ADORA1: variants seen among roughly 807,000 people sequenced by gnomAD.
ADORA1 encodes the protein adenosine receptor A1.
Under a neutral mutation model 19.9 loss-of-function variants are expected in ADORA1, and 6 were observed. The ratio of observed to expected loss-of-function variants is 0.30; its 90% CI spans 0.17 to 0.59. ADORA1 has a LOEUF of 0.59. ADORA1 is among the 20% of genes least tolerant of loss of function. The pLI, the probability that ADORA1 is intolerant of heterozygous loss-of-function variation, is 0.87. For synonymous variants in ADORA1, 194 were observed against 188.4 expected, an observed-to-expected ratio of 1.03 and a Z score of -0.24; for missense variants, 302 against 439.2, an observed-to-expected ratio of 0.69 and a Z score of 2.79.
At chr1:203,157,214 C>T (rs900645274) in intron 3 of ADORA1, among the ~76,000 whole-genome samples, 6 of 152,238 alleles carry the variant, frequency 3.9e-5, no homozygotes, top group African/African-American at 1.4e-4. Context: ...AAATTTCCTT[C>T]TGGTTGTGAG....
intron 3 of ADORA1, among the ~76,000 whole-genome samples, chr1:203,146,622 G>A: frequency 7.3e-6 from 1 of 137,088 alleles, no homozygotes. Context: ...ATGAAAGCCT[G>A]TCTCAAAAAA....
rs34162960 is a variant in ADORA1, at chr1:203,129,466, G to A, written c.341+284G>A. On this transcript the variant is annotated intron_variant, in intron 3 of 3. Coordinates refer to ENST00000337894, the MANE Select transcript of ADORA1 (RefSeq NM_000674.3). ...AACCTGAGGCTGCCTGTCAGGCCTG[G>A]GGTGGAGGTGGGAGATTTGGAAGAG... is the stretch of plus-strand genomic sequence containing the variant. 0.29 allele frequency among the ~76,000 whole-genome samples: 43,973 copies of A among 152,108 alleles called. 7,570 individuals carry two copies. Among genetic ancestry groups the A allele is most frequent in the Non-Finnish European group, 0.39 (26,336 of 67,960 alleles).
At chr1:203,143,570 G>A (rs1262659579) in intron 3 of ADORA1, among the ~76,000 whole-genome samples, 1 of 148,948 alleles carries the variant, frequency 6.7e-6, no homozygotes, top group Non-Finnish European at 1.5e-5. Context: ...TGTGTGTGCA[G>A]GGGGTTATAG....
intron 3 of ADORA1, among the ~76,000 whole-genome samples, chr1:203,132,295 T>C (rs142862932): frequency 9.8e-4 from 149 of 152,278 alleles, no homozygotes; most frequent in African/African-American, 3.3e-3. Flanking sequence ...GGTGGCAATT[T>C]GGTGCCTACT....
intron 3 of ADORA1, chr1:203,129,795 T>A (rs1222904390): frequency 6.5e-6 from 1 of 152,736 alleles, no homozygotes; most frequent in East Asian, 1.9e-4. Context: ...GGACCTCTGT[T>A]ACAGACAGGA....
chr1:203,143,871 C>T (rs543333948), intron 3 of ADORA1, among the ~76,000 whole-genome samples: 27 of 152,228 alleles, frequency 1.8e-4, no homozygotes, highest in Admixed American at 3.9e-4. Context: ...ACGTTTCCAA[C>T]GGCCACGGTG....
At chr1:203,131,265 C>T (rs1011906629) in intron 3 of ADORA1, among the ~76,000 whole-genome samples, 13 of 152,202 alleles carry the variant, frequency 8.5e-5, no homozygotes, top group Non-Finnish European at 1.2e-4. Flanking sequence ...CGAAGAAACA[C>T]GCACACAAAC....
At chr1:203,135,902 T>C (rs1254819034) in intron 3 of ADORA1, among the ~76,000 whole-genome samples, 1 of 152,158 alleles carries the variant, frequency 6.6e-6, no homozygotes, top group African/African-American at 2.4e-5. Flanking sequence ...TGGCATTCTT[T>C]AGCCCACTTC....
In ADORA1 at chr1:203,167,008, TC is replaced by T. The variant is rs1655581170; in HGVS notation, c.*1111del. The T allele has an allele frequency of 1.3e-5, 2 of 152,524 alleles. No individual in the cohort carries two copies. 9.4% of individuals were successfully genotyped at this position (152,524 alleles called of 1,614,324 possible). On this transcript the variant is annotated 3_prime_UTR_variant, in exon 4 of 4. Coordinates refer to ENST00000337894, the MANE Select transcript of ADORA1 (RefSeq NM_000674.3). ...GGGGAAGGCCTTGCTGTCATGTGAA[TC>T]CCTCAATACCCCTAGTATCTGGCTG...
intron 3 of ADORA1, among the ~76,000 whole-genome samples, chr1:203,135,278 G>A (rs1472740996): frequency 6.6e-6 from 1 of 152,064 alleles, no homozygotes; most frequent in South Asian, 2.1e-4. Context: ...TATATCACTG[G>A]CTACTTCAAT....
At chr1:203,133,359 C>T (rs184085515) in intron 3 of ADORA1, among the ~76,000 whole-genome samples, 497 of 152,302 alleles carry the variant, frequency 3.3e-3, no homozygotes, top group Non-Finnish European at 5.5e-3. Flanking sequence ...AGGTGAGCCA[C>T]CCGCCTTGGC....
intron 3 of ADORA1, among the ~76,000 whole-genome samples, chr1:203,151,314 C>T (rs1432126164): frequency 6.6e-6 from 1 of 152,134 alleles, no homozygotes; most frequent in Non-Finnish European, 1.5e-5. Context: ...CTGGGCTGAG[C>T]AGGTTCCCAA....
At chr1:203,155,666 T>G (rs2102760007) in intron 3 of ADORA1, among the ~76,000 whole-genome samples, 1 of 152,308 alleles carries the variant, frequency 6.6e-6, no homozygotes, top group South Asian at 2.1e-4. Context: ...GGTCTCACAG[T>G]GTGCAGGGCA....
At chr1:203,139,825 T>C (rs1198265308) in intron 3 of ADORA1, among the ~76,000 whole-genome samples, 2 of 152,182 alleles carry the variant, frequency 1.3e-5, no homozygotes, top group Non-Finnish European at 2.9e-5. Flanking sequence ...TGGTATTCTC[T>C]GGGGCAGGCC....
chr1:203,132,356 A>C (rs1310631424), intron 3 of ADORA1, among the ~76,000 whole-genome samples: 2 of 151,376 alleles, frequency 1.3e-5, no homozygotes. Context: ...CCCTGACCAA[A>C]CCTCTCTGTG....
chr1:203,159,325 C>T (rs973772633), intron 3 of ADORA1, among the ~76,000 whole-genome samples: 3 of 152,218 alleles, frequency 2.0e-5, no homozygotes, highest in Non-Finnish European at 4.4e-5. Flanking sequence ...GACTTCCCCT[C>T]GTACTTAGGA....
chr1:203,128,281 G>A lies in ADORA1; in HGVS notation c.-209G>A, dbSNP rs940793344. On this transcript the variant is annotated 5_prime_UTR_variant, in exon 2 of 4. Transcript: ENST00000337894. This position sits in a 1 kb window ranked among gnomAD's most constrained non-coding sequence, Gnocchi z 5.9. ...GTACCATGTGATTGCTTGAAAGGCC[G>A]GGCTGGGAGCGCTGCGGCGGGAGCC... 1.6e-6 allele frequency: 2 copies of A among 1,263,118 alleles called. No homozygotes were observed. Among genetic ancestry groups the A allele is most frequent in the Non-Finnish European group, 1.0e-6 (1 of 969,178 alleles). The allele number at this position is 1,263,118 out of a possible 1,614,324, so 78.2% of individuals were successfully genotyped here. A position where few individuals can be genotyped will look rare whatever the true frequency, so the allele number is the denominator to read the frequency against.
chr1:203,132,622 C>T (rs976059902), intron 3 of ADORA1, among the ~76,000 whole-genome samples: 1 of 152,066 alleles, frequency 6.6e-6, no homozygotes, highest in Non-Finnish European at 1.5e-5. Flanking sequence ...ATGGGTGTAT[C>T]CCTTGAGACC....
chr1:203,149,861 A>G (rs1654976712), intron 3 of ADORA1: 1 of 151,620 alleles, frequency 6.6e-6, no homozygotes, highest in South Asian at 2.1e-4. Context: ...TCTAGTCATT[A>G]TATTTGTTTT....
Sources: gnomAD v4.1 joint callset for allele counts (sites outside exome capture counted in the v4.1 genomes callset) on GRCh38, gnomAD v4.1.1 for gene constraint, Gnocchi (gnomAD v3.1) non-coding constraint, MANE v1.5 for transcripts, NCBI Gene and HGNC (gene_info 2026-07-23, HGNC 2026-07-21) for gene names.